Variants in PRG3 observed in about 807,000 individuals in gnomAD.
PRG3 encodes proteoglycan 3.
PRG3 carries 25 observed loss-of-function variants against 26.1 expected under a neutral mutation model. That is an observed-to-expected ratio of 0.96 (90% CI 0.70 to 1.34). PRG3 has a LOEUF of 1.34. PRG3 is among the 40% of genes most tolerant of loss of function. The pLI is 0.00. For synonymous variants in PRG3, 111 were observed against 100.4 expected, an observed-to-expected ratio of 1.11 and a Z score of -0.63; for missense variants, 280 against 264.8, an observed-to-expected ratio of 1.06 and a Z score of -0.40.
intron 3 of PRG3, among the ~76,000 whole-genome samples, chr11:57,379,083 A>G (rs1451420583): frequency 6.6e-6 from 1 of 152,178 alleles, no homozygotes; most frequent in African/African-American, 2.4e-5. Flanking sequence ...GCTCACCACA[A>G]CTCTAAGAAG....
intron 2 of PRG3, among the ~76,000 whole-genome samples, chr11:57,380,225 C>A (rs1175956684): frequency 6.6e-6 from 1 of 152,036 alleles, no homozygotes; most frequent in African/African-American, 2.4e-5. Flanking sequence ...TATGGTGAAA[C>A]CCCATCTCTA....
At chr11:57,379,463 G>T in intron 3 of PRG3, 31 bp downstream of exon 3, 1 of 1,554,770 alleles carries the variant, frequency 6.4e-7, no homozygotes, top group Non-Finnish European at 8.7e-7. Context: ...TTTTCCCCCA[G>T]GTCCTCCGCA....
chr11:57,378,452 A>AGG lies in PRG3; in HGVS notation c.507+228_507+229insCC, dbSNP rs745816190. On this transcript the variant is annotated intron_variant, in intron 4 of 5. Transcript: ENST00000287143. ...AATTGCCTATTTCCTTTGTGTAAAT[A>AGG]CTCCCACCATGGCTGATGTCAAGCT... Among the ~76,000 whole-genome samples the AGG allele has an allele frequency of 4.2e-3, 645 of 152,020 alleles. 2 individuals are homozygous for AGG. The highest frequency in any genetic ancestry group is 6.6e-3 in the Non-Finnish European group (451 of 68,000).
chr11:57,380,832 AAAC>A (rs1160822983), intron 1 of PRG3, 51 bp from the exon 2 acceptor site: 2 of 676,948 alleles, frequency 3.0e-6, no homozygotes, highest in East Asian at 7.1e-5. Context: ...ATTAAAGAGC[AAAC>A]AAGATTGCTT....
At chr11:57,376,997 C>A (rs1196123755) in intron 5 of PRG3, 89 bp from the exon 6 acceptor site, 5 of 1,353,092 alleles carry the variant, frequency 3.7e-6, no homozygotes, top group Non-Finnish European at 5.2e-6. Context: ...CCCCTATGTC[C>A]CCATCTATGG....
chr11:57,379,435 A>G (rs1319830629), intron 3 of PRG3, 59 bp downstream of exon 3: 1 of 1,456,674 alleles, frequency 6.9e-7, no homozygotes, highest in Admixed American at 2.0e-5. Flanking sequence ...TAGGGAACAG[A>G]AGACTGAATG....
chr11:57,380,547 T>C (rs1342810198), intron 2 of PRG3, 101 bp downstream of exon 2: 9 of 1,004,624 alleles, frequency 9.0e-6, no homozygotes, highest in Non-Finnish European at 8.6e-6. Flanking sequence ...GAGGGAAGGC[T>C]GTGGTCCTGG....
chr11:57,380,701 C>A lies in PRG3; in HGVS notation c.8G>T (p.Cys3Phe), dbSNP rs148483954. 122 of 1,567,994 alleles carry A rather than the reference C, an allele frequency of 7.8e-5. No individual in the cohort carries two copies. The African/African-American group carries it at 1.5e-3, about 20-fold the overall frequency. The stretch of plus-strand genomic sequence containing the variant: ...CAGGAGAAAGGGCAGGAGCAAGAGG[C>A]ATTGCATATCTACTGTCTTTTAGCG... MQ[C>F]LLLLPFLLLG... is the part of the protein sequence containing the mutation. The change falls in exon 2 of 6, where the codon TGC becomes TTC. Residue 3 changes from cysteine to phenylalanine, a missense_variant. Coordinates refer to ENST00000287143, the MANE Select transcript of PRG3 (RefSeq NM_006093.4).
rs369560572 is a variant in PRG3, at chr11:57,380,732, A to C, written c.-24T>G. ...ATATCTACTGTCTTTTAGCGAGGACACTACTCCACCGTCCTTCTTGGGGCT... is the reference window on the plus strand; with the variant it reads ...ATATCTACTGTCTTTTAGCGAGGACCCTACTCCACCGTCCTTCTTGGGGCT... On this transcript the variant is annotated 5_prime_UTR_variant, in exon 2 of 6. Transcript: ENST00000287143. The C allele has an allele frequency of 1.3e-5, 19 of 1,496,874 alleles. No homozygotes were observed. The highest frequency in any genetic ancestry group is 1.7e-5 in the Non-Finnish European group (19 of 1,117,994). The allele number at this position is 1,496,874 out of a possible 1,614,324, so 92.7% of individuals were successfully genotyped here. A position where few individuals can be genotyped will look rare whatever the true frequency, so the allele number is the denominator to read the frequency against.
Position 57,380,745 on chromosome 11 carries a change from C to A in PRG3, c.-37G>T. On this transcript the variant is annotated 5_prime_UTR_variant, in exon 2 of 6. Transcript: ENST00000287143. The stretch of plus-strand genomic sequence containing the variant: ...TTTAGCGAGGACACTACTCCACCGT[C>A]CTTCTTGGGGCTGTCTTTGTGTGTC... 1 of 1,439,892 alleles carries A rather than the reference C, an allele frequency of 6.9e-7. No individual in the cohort carries two copies. The highest frequency in any genetic ancestry group is 9.3e-7 in the Non-Finnish European group (1 of 1,075,148). The allele number at this position is 1,439,892 out of a possible 1,614,324, so 89.2% of individuals were successfully genotyped here. A position where few individuals can be genotyped will look rare whatever the true frequency, so the allele number is the denominator to read the frequency against.
chr11:57,379,388 T>C, intron 3 of PRG3, 106 bp downstream of exon 3: 1 of 1,137,260 alleles, frequency 8.8e-7, no homozygotes, highest in Non-Finnish European at 1.2e-6. Context: ...GTGATTCTGA[T>C]GCATGCGAGG....
chr11:57,378,858 G>T (rs746389170), intron 3 of PRG3, 46 bp from the exon 4 acceptor site: 1 of 1,606,958 alleles, frequency 6.2e-7, no homozygotes, highest in Non-Finnish European at 8.5e-7. Flanking sequence ...TTTATTTCAA[G>T]TTTCTGAGTC....
chr11:57,377,922 T>G (rs1054388290), intron 4 of PRG3, 86 bp from the exon 5 acceptor site: 1 of 1,136,786 alleles, frequency 8.8e-7, no homozygotes, highest in African/African-American at 1.5e-5. Context: ...TCTCACTGCC[T>G]ACCTGGCCAG....
chr11:57,377,502 A>C (rs1391018427), intron 5 of PRG3, among the ~76,000 whole-genome samples: 2 of 152,068 alleles, frequency 1.3e-5, no homozygotes, highest in Admixed American at 6.6e-5. Flanking sequence ...GAATTTTCCC[A>C]CACACACACC....
At chr11:57,380,977 A>C in intron 1 of PRG3, 137 bp downstream of exon 1, 1 of 283,956 alleles carries the variant, frequency 3.5e-6, no homozygotes, top group Non-Finnish European at 6.4e-6. Flanking sequence ...CTTAGCCCAG[A>C]CTCCTGCCCC....
intron 2 of PRG3, 106 bp from the exon 3 acceptor site, chr11:57,379,913 G>T: frequency 9.6e-7 from 1 of 1,037,666 alleles, no homozygotes; most frequent in Non-Finnish European, 1.4e-6. Context: ...TCCACCTGAA[G>T]ACAAGACTGG....
At chr11:57,380,048 G>C (rs1409515560) in intron 2 of PRG3, among the ~76,000 whole-genome samples, 1 of 152,228 alleles carries the variant, frequency 6.6e-6, no homozygotes, top group Admixed American at 6.5e-5. Context: ...CGTGTGAGAA[G>C]CCTGGGGCAG....
chr11:57,379,363 T>C (rs1856974931), intron 3 of PRG3, 131 bp downstream of exon 3: 14 of 976,534 alleles, frequency 1.4e-5, no homozygotes, highest in Non-Finnish European at 2.1e-5. Flanking sequence ...AGCTGTGTTT[T>C]AACAACAACT....
chr11:57,380,640 A>G lies in PRG3; in HGVS notation c.61+8T>C. 1 of 1,565,922 alleles carries G rather than the reference A, an allele frequency of 6.4e-7. No homozygotes were observed. The highest frequency in any genetic ancestry group is 1.2e-5 in the South Asian group (1 of 83,004). ...AAAGACGCATGAGGAGGGAAGGGAGAGACTTACCCAGATGAAGAGCAGAAA... is the reference window on the plus strand; with the variant it reads ...AAAGACGCATGAGGAGGGAAGGGAGGGACTTACCCAGATGAAGAGCAGAAA... On this transcript the variant is annotated splice_region_variant and intron_variant, in intron 2 of 5. Transcript: ENST00000287143.
Sources: allele counts gnomAD v4.1 joint callset (sites outside exome capture counted in the v4.1 genomes callset), GRCh38; gene constraint gnomAD v4.1.1; transcripts MANE v1.5; gene names NCBI Gene and HGNC (gene_info 2026-07-23, HGNC 2026-07-21).